E2F7: variants seen among roughly 807,000 people sequenced by gnomAD.
E2F7 encodes the protein E2F transcription factor 7.
In E2F7, 35 loss-of-function variants were observed where a neutral mutation model predicts 81.1. That is an observed-to-expected ratio of 0.43 (90% CI 0.33 to 0.57). The LOEUF (loss-of-function observed/expected upper bound fraction) is 0.57, where lower values mean the gene tolerates loss of function less well. E2F7 is among the 20% of genes least tolerant of loss of function. E2F7 has a pLI of 0.04. For missense variants in E2F7, 961 were observed against 1,093.7 expected (o/e 0.88, Z 1.71); for synonymous variants, 416 against 416.2 (o/e 1.00, Z 0.01).
In E2F7 at chr12:77,025,755, A is replaced by C; in HGVS notation, c.2368T>G (p.Ser790Ala). ...GGGCCGACGAGAAGCTGGGCTATTG[A>C]TCCAAGGCCAGGCAAGCTGAAATTC... ...PVNFSLPGLG[S>A]IAQLLVGPTA... The change falls in exon 12 of 13, where the codon TCA becomes GCA. Residue 790 changes from serine (S) to alanine (A), a missense_variant. This residue lies in a region of E2F7 where 587 missense variants were observed against 620.3 expected (regional missense o/e 0.95). Coordinates refer to ENST00000322886, the MANE Select transcript of E2F7 (RefSeq NM_203394.3). 6.2e-7 allele frequency: 1 copy of C among 1,614,076 alleles called. No individual in the cohort carries two copies. Among genetic ancestry groups the C allele is most frequent in the Non-Finnish European group, 8.5e-7 (1 of 1,180,024 alleles).
chr12:77,028,627 C>A (rs549958743), intron 10 of E2F7, among the ~76,000 whole-genome samples: 3 of 152,152 alleles, frequency 2.0e-5, no homozygotes, highest in African/African-American at 7.2e-5. Context: ...GCCACCACAC[C>A]CAGCTAATTT....
At position 77,055,992 on chromosome 12, in the gene E2F7, C is replaced by T; in HGVS notation, c.232G>A (p.Ala78Thr). The T allele has an allele frequency of 1.9e-6, 3 of 1,614,174 alleles. No homozygotes were observed. The highest frequency in any genetic ancestry group is 2.5e-6 in the Non-Finnish European group (3 of 1,180,022). Residue 78 changes from alanine (A) to threonine (T), a missense_variant, in exon 3 of 13, where the codon GCG (alanine) becomes ACG (threonine). By Grantham distance (58) the Ala-to-Thr change is moderately conservative. Around this residue, in one of 3 missense-constraint regions of E2F7, gnomAD observed 301 missense variants for 405.0 expected, o/e 0.74. Transcript: ENST00000322886. ...TPVKFVDRQQAEPWTPTANLK... is the reference protein window; with the variant it reads ...TPVKFVDRQQTEPWTPTANLK... ...TTAGCTGTGGGTGTCCATGGTTCCG[C>T]TTGCTGTCTGTCAACAAACTTAACT...
In E2F7 at chr12:77,029,925, C is replaced by G; in HGVS notation, c.1790G>C (p.Cys597Ser). The G allele has an allele frequency of 6.2e-7, 1 of 1,614,238 alleles. No homozygotes were observed. The change falls in exon 10 of 13, where the codon TGT (cysteine) becomes TCT (serine). Residue 597 changes from cysteine to serine, a missense_variant. Cys to Ser is a moderately radical substitution (Grantham distance 112). Coordinates refer to ENST00000322886, the MANE Select transcript of E2F7 (RefSeq NM_203394.3). ...CTCCTCCTGAGGTTTCCTCTCCTCA[C>G]AGAGGCGCTTCTGAGCTGAGGGTGC... ...SSAPSAQKRL[C>S]EERKPQEEDE...
At chr12:77,050,990 G>A (rs1041743039) in intron 3 of E2F7, among the ~76,000 whole-genome samples, 1 of 152,108 alleles carries the variant, frequency 6.6e-6, no homozygotes, top group Non-Finnish European at 1.5e-5. Flanking sequence ...AATGAAAAAT[G>A]AGAGTCATTT....
Position 77,046,279 on chromosome 12 carries a change from C to T in E2F7, c.588G>A (p.Leu196=), listed in dbSNP as rs1351091948. 11 of 1,614,182 alleles carry T rather than the reference C, an allele frequency of 6.8e-6. No homozygotes were observed. The East Asian group carries it at 2.5e-4, about 36-fold the overall frequency. Residue 196 remains leucine (L), a synonymous_variant, in exon 5 of 13, where the codon CTG becomes CTA. Coordinates refer to ENST00000322886, the MANE Select transcript of E2F7 (RefSeq NM_203394.3). ...IYDIVNVLES[L]HLVSRVAKNQ... is the part of the protein sequence containing the mutation. ...TCTTAGCCACCCGGCTGACCAGATGCAGCGACTCCAGCACATTTACAATGT... is the reference window on the plus strand; with the variant it reads ...TCTTAGCCACCCGGCTGACCAGATGTAGCGACTCCAGCACATTTACAATGT...
Position 77,044,720 on chromosome 12 carries a change from T to C in E2F7, c.905A>G (p.Lys302Arg). ...QKFVMLFLVS[K>R]TKIVTLDVAA... ...CACATCCAGAGTGACAATCTTGGTT[T>C]TGGAGACGAGGAACAGCATGACAAA... The change falls in exon 6 of 13, where the codon AAA becomes AGA. Residue 302 changes from lysine (K) to arginine (R), a missense_variant. Lys to Arg is a conservative substitution (Grantham distance 26, BLOSUM62 2). This residue lies in a region of E2F7 where 301 missense variants were observed against 405.0 expected (regional missense o/e 0.74). Coordinates refer to ENST00000322886, the MANE Select transcript of E2F7 (RefSeq NM_203394.3). 1.9e-6 allele frequency: 3 copies of C among 1,614,168 alleles called. No individual in the cohort carries two copies. The highest frequency in any genetic ancestry group is 1.1e-5 in the South Asian group (1 of 91,076).
intron 7 of E2F7, among the ~76,000 whole-genome samples, chr12:77,037,548 C>A (rs149466073): frequency 3.3e-3 from 495 of 152,274 alleles, no homozygotes; most frequent in African/African-American, 0.011. Flanking sequence ...CAAGTTATTG[C>A]AAGATTCTTG....
intron 10 of E2F7, 35 bp from the exon 11 acceptor site, chr12:77,028,173 G>A: frequency 1.9e-6 from 3 of 1,579,368 alleles, no homozygotes; most frequent in Non-Finnish European, 2.6e-6. Flanking sequence ...AAGAAAGTAA[G>A]TTAAAATTCC....
chr12:77,027,748 CA>C, intron 11 of E2F7, 134 bp downstream of exon 11: 1 of 1,215,886 alleles, frequency 8.2e-7, no homozygotes, highest in Non-Finnish European at 1.1e-6. Flanking sequence ...ATGGAGAAAA[CA>C]AAGGGGCTAA....
At position 77,064,585 on chromosome 12, in the gene E2F7, G is replaced by A; in HGVS notation, c.51C>T (p.Pro17=). The A allele has an allele frequency of 6.2e-7, 1 of 1,614,098 alleles. No homozygotes were observed. Among genetic ancestry groups the A allele is most frequent in the Non-Finnish European group, 8.5e-7 (1 of 1,180,004 alleles). The change falls in exon 2 of 13, where the codon CCC becomes CCT. Residue 17 remains proline, a synonymous_variant. Transcript: ENST00000322886. ...CATCTTCAACTGCAAAATCTAGTCTGGGCTGCCTGGGGCTGATCAGGTCTT... is the reference window on the plus strand; with the variant it reads ...CATCTTCAACTGCAAAATCTAGTCTAGGCTGCCTGGGGCTGATCAGGTCTT... ...TLKDLISPRQ[P]RLDFAVEDGE...
Position 77,033,140 on chromosome 12 carries a change from G to A in E2F7, c.1310-18C>T, listed in dbSNP as rs749064015. 5 of 1,611,522 alleles carry A rather than the reference G, an allele frequency of 3.1e-6. No individual in the cohort carries two copies. Among genetic ancestry groups the A allele is most frequent in the Middle Eastern group, 3.3e-4 (2 of 6,058 alleles). On this transcript the variant is annotated intron_variant, in intron 8 of 12. Transcript: ENST00000322886. ...ACCTGATCCTGAAAAGGAAGATGAA[G>A]GCTTAACAAATATAGCAAGAGACTT... is the stretch of plus-strand genomic sequence containing the variant.
intron 7 of E2F7, 124 bp downstream of exon 7, chr12:77,042,941 A>C: frequency 6.9e-7 from 1 of 1,446,536 alleles, no homozygotes; most frequent in South Asian, 1.3e-5. Flanking sequence ...GAGTGGAGTC[A>C]CTAGTCTATT....
intron 3 of E2F7, 76 bp from the exon 4 acceptor site, chr12:77,050,820 T>C (rs2120724070): frequency 2.0e-6 from 3 of 1,491,824 alleles, no homozygotes; most frequent in South Asian, 1.2e-5. Context: ...ATGGCCAGTG[T>C]TGGCAAACTG....
At position 77,050,731 on chromosome 12, in the gene E2F7, C is replaced by T; in HGVS notation, c.383G>A (p.Gly128Glu). 1.2e-6 allele frequency: 2 copies of T among 1,613,172 alleles called. No individual in the cohort carries two copies. Among genetic ancestry groups the T allele is most frequent in the Non-Finnish European group, 1.7e-6 (2 of 1,179,590 alleles). Residue 128 changes from glycine to glutamate, a missense_variant, in exon 4 of 13, where the codon GGG (glycine) becomes GAG (glutamate). Physicochemically the swap from Gly to Glu is moderately conservative, Grantham distance 98. Coordinates refer to ENST00000322886, the MANE Select transcript of E2F7 (RefSeq NM_203394.3). ...FTDSLQLDVVGDSAVDEFEKQ... is the reference protein window; with the variant it reads ...FTDSLQLDVVEDSAVDEFEKQ... ...TTCAAATTCGTCCACAGCACTGTCC[C>T]CAACAACATCAAGCTACAGAGGGCA...
chr12:77,043,145 A>G lies in E2F7; in HGVS notation c.1043T>C (p.Ile348Thr), dbSNP rs201024874. The change falls in exon 7 of 13, where the codon ATA (isoleucine) becomes ACA (threonine). Residue 348 changes from isoleucine to threonine, a missense_variant. By Grantham distance (89) the Ile-to-Thr change is moderately conservative. This residue lies in a region of E2F7 where 301 missense variants were observed against 405.0 expected (regional missense o/e 0.74). Transcript: ENST00000322886. Reference protein sequence around the residue: ...IANVLTSLALIKKVHVTEERG... With the variant: ...IANVLTSLALTKKVHVTEERG... ...CTCTTCTGTTACATGCACTTTCTTTATCAGAGCCAAGCTGGTCAGAACATT... is the reference window on the plus strand; with the variant it reads ...CTCTTCTGTTACATGCACTTTCTTTGTCAGAGCCAAGCTGGTCAGAACATT... 1 of 1,614,168 alleles carries G rather than the reference A, an allele frequency of 6.2e-7. No homozygotes were observed. Among genetic ancestry groups the G allele is most frequent in the East Asian group, 2.2e-5 (1 of 44,872 alleles).
chr12:77,054,379 T>C (rs1304291568), intron 3 of E2F7, among the ~76,000 whole-genome samples: 3 of 151,914 alleles, frequency 2.0e-5, no homozygotes, highest in Non-Finnish European at 2.9e-5. Flanking sequence ...AAACAAACTA[T>C]GGGAAATTGA....
intron 3 of E2F7, among the ~76,000 whole-genome samples, chr12:77,051,355 C>T (rs1276342083): frequency 6.6e-6 from 1 of 152,072 alleles, no homozygotes. Context: ...GGCTTTTCAA[C>T]AAACAGATTC....
chr12:77,050,477 T>C lies in E2F7; in HGVS notation c.538+99A>G, dbSNP rs180673128. On this transcript the variant is annotated intron_variant, in intron 4 of 12. Coordinates refer to ENST00000322886, the MANE Select transcript of E2F7 (RefSeq NM_203394.3). ...TGCCTGTTCCTCTGTCTTCACCCGA[T>C]TGAGGGGCCCACTCTACTTCAAGCC... The C allele has an allele frequency of 2.2e-5, 28 of 1,273,484 alleles. No individual in the cohort carries two copies. In the East Asian group the frequency reaches 2.3e-4, roughly 11 times the overall value. 78.9% of individuals were successfully genotyped at this position (1,273,484 alleles called of 1,614,324 possible).
intron 7 of E2F7, among the ~76,000 whole-genome samples, chr12:77,042,753 C>G (rs751235738): frequency 3.3e-5 from 5 of 152,216 alleles, no homozygotes; most frequent in Non-Finnish European, 5.9e-5. Context: ...AACTGGAGTT[C>G]AAAAGAGGTG....
Sources: gnomAD v4.1 joint callset for allele counts (sites outside exome capture counted in the v4.1 genomes callset) on GRCh38, gnomAD v4.1.1 for gene constraint, gnomAD v4.1.1 regional missense constraint, MANE v1.5 for transcripts, NCBI Gene and HGNC (gene_info 2026-07-23, HGNC 2026-07-21) for gene names.